Variants in SLC2A13 observed in about 807,000 individuals in gnomAD.
SLC2A13 encodes the protein solute carrier family 2 member 13.
Under a neutral mutation model 64.4 loss-of-function variants are expected in SLC2A13, and 32 were observed. The ratio of observed to expected loss-of-function variants is 0.50; its 90% confidence interval spans 0.37 to 0.67. The LOEUF (loss-of-function observed/expected upper bound fraction) is 0.67. Ranked by LOEUF, SLC2A13 falls within the 30% of genes least tolerant of loss-of-function variation. The probability of loss-of-function intolerance (pLI) is 0.00; values close to 1 mark genes in which losing one functional copy is unlikely to be tolerated. For synonymous variants in SLC2A13, 338 were observed against 327.1 expected (o/e 1.03, Z -0.36); for missense variants, 743 against 829.2 (o/e 0.90, Z 1.28).
intron 3 of SLC2A13, among the ~76,000 whole-genome samples, chr12:40,016,053 C>T (rs1458312170): frequency 2.6e-5 from 4 of 152,148 alleles, no homozygotes; most frequent in Admixed American, 1.3e-4. Context: ...GCTCTTCAAA[C>T]TTTGCTCTTT....
intron 7 of SLC2A13, among the ~76,000 whole-genome samples, chr12:39,772,094 T>C (rs1940600791): frequency 6.6e-6 from 1 of 152,208 alleles, no homozygotes; most frequent in South Asian, 2.1e-4. Context: ...TTTATGTCAT[T>C]ATCATATAGT....
At position 40,105,765 on chromosome 12, in the gene SLC2A13, C is replaced by T. The variant is rs1316443685; in HGVS notation, c.44G>A (p.Ser15Asn). The change falls in exon 1 of 10, where the codon AGC becomes AAC. Residue 15 changes from serine to asparagine, a missense_variant. By Grantham distance (46) the Ser-to-Asn change is conservative. This residue lies in a region of SLC2A13 where 448 missense variants were observed against 447.4 expected (regional missense o/e 1.00). Coordinates refer to ENST00000280871, the MANE Select transcript of SLC2A13 (RefSeq NM_052885.4). This position sits in a 1 kb window ranked among gnomAD's most constrained non-coding sequence, Gnocchi z 4.2. ...CCGCTCGCCCATCAGGCTGCTCAGGCTCCGCAGCGTGTACTCCACATTCTC... is the reference window on the plus strand; with the variant it reads ...CCGCTCGCCCATCAGGCTGCTCAGGTTCCGCAGCGTGTACTCCACATTCTC... The part of the protein sequence containing the change: ...ASENVEYTLR[S>N]LSSLMGERRR... 2.0e-6 allele frequency: 3 copies of T among 1,490,580 alleles called. No individual in the cohort carries two copies. Among genetic ancestry groups the T allele is most frequent in the South Asian group, 1.3e-5 (1 of 78,356 alleles). 92.3% of individuals were successfully genotyped at this position (1,490,580 alleles called of 1,614,324 possible). A position where few individuals can be genotyped will look rare whatever the true frequency, so the allele number is the denominator to read the frequency against.
At chr12:39,880,579 T>C (rs1434261580) in intron 4 of SLC2A13, among the ~76,000 whole-genome samples, 1 of 152,196 alleles carries the variant, frequency 6.6e-6, no homozygotes, top group East Asian at 1.9e-4. Flanking sequence ...CTGCAGAAAG[T>C]TTACTTATTA....
rs752709836 is a variant in SLC2A13, at chr12:39,830,124, G to T, written c.1424C>A (p.Thr475Lys). 2 of 1,613,670 alleles carry T rather than the reference G, an allele frequency of 1.2e-6. No homozygotes were observed. Among genetic ancestry groups the T allele is most frequent in the Non-Finnish European group, 1.7e-6 (2 of 1,179,752 alleles). ...SSCVPVNKASTNEAAWGRCEN... is the reference protein window; with the variant it reads ...SSCVPVNKASKNEAAWGRCEN... ...ATACCTGCCCCAGGCTGCCTCATTT[G>T]TAGATGCTTTATTAACTGGAACACA... Residue 475 changes from threonine to lysine, a missense_variant, in exon 7 of 10, where the codon ACA (threonine) becomes AAA (lysine). Coordinates refer to ENST00000280871, the MANE Select transcript of SLC2A13 (RefSeq NM_052885.4).
chr12:40,034,882 T>C (rs1421841296), intron 2 of SLC2A13, among the ~76,000 whole-genome samples: 1 of 152,180 alleles, frequency 6.6e-6, no homozygotes, highest in Non-Finnish European at 1.5e-5. Context: ...ACTCAGCTAT[T>C]TACCCAGCAA....
At chr12:39,947,697 G>GTTGC (rs1946160639) in intron 4 of SLC2A13, among the ~76,000 whole-genome samples, 1 of 141,216 alleles carries the variant, frequency 7.1e-6, no homozygotes, top group Admixed American at 7.5e-5. Flanking sequence ...GTGTCGCTCA[G>GTTGC]TCGCCCAGGC....
chr12:40,059,364 A>C (rs1948381955), intron 1 of SLC2A13, among the ~76,000 whole-genome samples: 1 of 152,222 alleles, frequency 6.6e-6, no homozygotes, highest in Admixed American at 6.6e-5. Flanking sequence ...ACATATAGAT[A>C]GATAAAACAG....
chr12:39,906,735 A>G (rs920216830), intron 4 of SLC2A13, among the ~76,000 whole-genome samples: 2 of 152,112 alleles, frequency 1.3e-5, no homozygotes, highest in Non-Finnish European at 2.9e-5. Flanking sequence ...TTCTTATTAA[A>G]GTGAGAGCTA....
chr12:39,926,159 C>T (rs1945725307), intron 4 of SLC2A13, among the ~76,000 whole-genome samples: 1 of 151,852 alleles, frequency 6.6e-6, no homozygotes, highest in African/African-American at 2.4e-5. Context: ...ATGAAAATGT[C>T]CCTCAAAGCA....
At chr12:39,908,418 T>C (rs995381520) in intron 4 of SLC2A13, 1 of 151,866 alleles carries the variant, frequency 6.6e-6, no homozygotes, top group African/African-American at 2.4e-5. Context: ...AACTACAGAG[T>C]TAGGAGCTTG....
intron 1 of SLC2A13, among the ~76,000 whole-genome samples, chr12:40,076,097 CCT>C (rs1376863281): frequency 6.6e-6 from 1 of 152,108 alleles, no homozygotes; most frequent in Non-Finnish European, 1.5e-5. Flanking sequence ...GTCAGATTTC[CCT>C]GATTCTCTAT....
chr12:39,772,016 T>G (rs987189212), intron 7 of SLC2A13, among the ~76,000 whole-genome samples: 25 of 152,152 alleles, frequency 1.6e-4, no homozygotes, highest in Admixed American at 1.6e-3. Context: ...CCAAGGCCTG[T>G]GTGGATGCTA....
At chr12:39,929,770 C>G (rs1394919911) in intron 4 of SLC2A13, among the ~76,000 whole-genome samples, 1 of 128,370 alleles carries the variant, frequency 7.8e-6, no homozygotes, top group Non-Finnish European at 1.8e-5. Context: ...AGAGGCTTTA[C>G]AGCTCCACTG....
chr12:39,951,186 AC>A (rs1199313144), intron 4 of SLC2A13, 70 bp downstream of exon 4: 2 of 1,339,400 alleles, frequency 1.5e-6, no homozygotes, highest in African/African-American at 2.9e-5. Flanking sequence ...TACATGAAAT[AC>A]TTTTCACTAT....
rs1302983116 is a variant in SLC2A13 at position 39,864,832 on chromosome 12, G to C, written c.1249C>G (p.Gln417Glu). 6.2e-7 allele frequency: 1 copy of C among 1,613,774 alleles called. No individual in the cohort carries two copies. Among genetic ancestry groups the C allele is most frequent in the African/African-American group, 1.3e-5 (1 of 74,834 alleles). Residue 417 changes from glutamine (Q) to glutamate (E), a missense_variant, in exon 6 of 10, where the codon CAA (glutamine) becomes GAA (glutamate). By Grantham distance (29) the Gln-to-Glu change is conservative. Around this residue, in one of 2 missense-constraint regions of SLC2A13, gnomAD observed 295 missense variants for 381.7 expected, o/e 0.77. Transcript: ENST00000280871. ...TTAAAAGTGATGCGTGGGGAAACTT[G>C]GGCTGATAGCACAAATCCCAAGGCA... ...ILALGFVLSAQVSPRITFKPI... is the reference protein window; with the variant it reads ...ILALGFVLSAEVSPRITFKPI...
At chr12:39,896,753 T>C (rs918646937) in intron 4 of SLC2A13, among the ~76,000 whole-genome samples, 1 of 152,036 alleles carries the variant, frequency 6.6e-6, no homozygotes, top group African/African-American at 2.4e-5. Flanking sequence ...GCAGTTTCTA[T>C]TATATTTTTC....
In SLC2A13 at chr12:39,759,850, G is replaced by A. The variant is rs1191922273; in HGVS notation, c.*176C>T. On this transcript the variant is annotated 3_prime_UTR_variant, in exon 10 of 10. Coordinates refer to ENST00000280871, the MANE Select transcript of SLC2A13 (RefSeq NM_052885.4). Reference sequence around the variant, plus strand: ...TATTTTTTAAAATATTGTTCCTTGTGGAAAAAAAAAGTCATCATGGTTGTA... The same window carrying A: ...TATTTTTTAAAATATTGTTCCTTGTAGAAAAAAAAAGTCATCATGGTTGTA... The A allele has an allele frequency of 8.9e-6, 5 of 563,452 alleles. No individual in the cohort carries two copies. In the Admixed American group the frequency reaches 1.7e-4, roughly 19 times the overall value. The allele number at this position is 563,452 out of a possible 1,614,324, so 34.9% of individuals were successfully genotyped here.
At chr12:39,851,312 G>C (rs1418694417) in intron 6 of SLC2A13, among the ~76,000 whole-genome samples, 1 of 152,122 alleles carries the variant, frequency 6.6e-6, no homozygotes, top group Non-Finnish European at 1.5e-5. Context: ...TAACTTTTCT[G>C]TTTGTGAAGA....
chr12:39,766,335 C>A (rs1375854948), intron 7 of SLC2A13, among the ~76,000 whole-genome samples: 2 of 152,036 alleles, frequency 1.3e-5, no homozygotes, highest in African/African-American at 4.8e-5. Flanking sequence ...GTTATGTTCC[C>A]ATGAAAGTGC....
Sources: allele counts gnomAD v4.1 joint callset (sites outside exome capture counted in the v4.1 genomes callset), GRCh38; gene constraint gnomAD v4.1.1; regional missense constraint gnomAD v4.1.1; non-coding constraint Gnocchi (gnomAD v3.1); transcripts MANE v1.5; gene names NCBI Gene and HGNC (gene_info 2026-07-23, HGNC 2026-07-21).